Variants in APAF1 observed in about 807,000 individuals in gnomAD.
The protein encoded by APAF1 is apoptotic peptidase activating factor 1.
APAF1 carries 91 observed loss-of-function variants against 152.4 expected under a neutral mutation model. That is an observed-to-expected ratio of 0.60 (90% CI 0.50 to 0.71). The LOEUF (loss-of-function observed/expected upper bound fraction) is 0.71. APAF1 is among the 30% of genes least tolerant of loss of function. The pLI is 0.00. For synonymous variants in APAF1, 484 were observed against 494.1 expected (o/e 0.98, Z 0.27); for missense variants, 1,283 against 1,472.0 (o/e 0.87, Z 2.10).
At chr12:98,689,100 C>G (rs907830261) in intron 16 of APAF1, among the ~76,000 whole-genome samples, 2 of 152,112 alleles carry the variant, frequency 1.3e-5, no homozygotes, top group African/African-American at 4.8e-5. Flanking sequence ...TAGGAGTGAG[C>G]CACTGCATCC....
In APAF1 at chr12:98,733,321, C is replaced by T. The variant is rs573780976; in HGVS notation, c.*755C>T. 18 of 151,470 alleles carry T rather than the reference C, an allele frequency of 1.2e-4. No homozygotes were observed. In the South Asian group the frequency reaches 1.9e-3, roughly 16 times the overall value. The allele number at this position is 151,470 out of a possible 1,614,324, so 9.4% of individuals were successfully genotyped here. A position where few individuals can be genotyped will look rare whatever the true frequency, so the allele number is the denominator to read the frequency against. The stretch of plus-strand genomic sequence containing the variant: ...CTAATTTTTGTATTTTTAGTAGAGA[C>T]GGGGTTTCACCATGTTGGCCGGGAT... On this transcript the variant is annotated 3_prime_UTR_variant, in exon 27 of 27. Transcript: ENST00000551964.
chr12:98,699,541 T>C lies in APAF1; in HGVS notation c.2438T>C (p.Ile813Thr). 6.2e-7 allele frequency: 1 copy of C among 1,614,202 alleles called. No homozygotes were observed. Among genetic ancestry groups the C allele is most frequent in the South Asian group, 1.1e-5 (1 of 91,090 alleles). Residue 813 changes from isoleucine (I) to threonine (T), a missense_variant, in exon 17 of 27, where the codon ATA (isoleucine) becomes ACA (threonine). Coordinates refer to ENST00000551964, the MANE Select transcript of APAF1 (RefSeq NM_181861.2). ...TCGTGGTCTGCTGATGGTGCAAGGA[T>C]AATGGTGGCAGCAAAAAATAAAATC... ...CCSWSADGAR[I>T]MVAAKNKIFL... is the part of the protein sequence containing the mutation.
At chr12:98,700,474 G>T (rs1263005008) in intron 17 of APAF1, among the ~76,000 whole-genome samples, 1 of 152,154 alleles carries the variant, frequency 6.6e-6, no homozygotes. Flanking sequence ...TTGGATGTTG[G>T]TTGCTTATGA....
intron 16 of APAF1, among the ~76,000 whole-genome samples, chr12:98,696,343 T>C (rs2097709825): frequency 6.6e-6 from 1 of 152,186 alleles, no homozygotes; most frequent in Admixed American, 6.5e-5. Flanking sequence ...GAAGCCAGAC[T>C]GTTTTCAACA....
At chr12:98,712,084 T>C (rs2097728464) in intron 20 of APAF1, among the ~76,000 whole-genome samples, 1 of 152,222 alleles carries the variant, frequency 6.6e-6, no homozygotes, top group South Asian at 2.1e-4. Context: ...TTTTAAACCT[T>C]GTAATGCTTG....
At chr12:98,703,851 C>T (rs566101820) in intron 18 of APAF1, among the ~76,000 whole-genome samples, 12 of 152,302 alleles carry the variant, frequency 7.9e-5, no homozygotes, top group Admixed American at 7.2e-4. Context: ...AGTGTAGGCA[C>T]AGACTCTTTT....
chr12:98,671,552 G>A lies in APAF1; in HGVS notation c.1626G>A (p.Glu542=). 1 of 1,614,082 alleles carries A rather than the reference G, an allele frequency of 6.2e-7. No homozygotes were observed. The highest frequency in any genetic ancestry group is 8.5e-7 in the Non-Finnish European group (1 of 1,179,964). ...ILDEKDCAVS[E]NFQEFLSLNG... ...ATTTGTAGGATTGTGCAGTCAGTGAGAATTTTCAGGAGTTTTTATCTTTAA... is the reference window on the plus strand; with the variant it reads ...ATTTGTAGGATTGTGCAGTCAGTGAAAATTTTCAGGAGTTTTTATCTTTAA... Residue 542 remains glutamate, a synonymous_variant, in exon 12 of 27, where the codon GAG becomes GAA. Transcript: ENST00000551964.
chr12:98,711,516 G>C (rs2097727907), intron 20 of APAF1, among the ~76,000 whole-genome samples: 1 of 152,104 alleles, frequency 6.6e-6, no homozygotes, highest in Admixed American at 6.5e-5. Context: ...TAATGTTAAG[G>C]AAAAACTACC....
At chr12:98,728,591 G>A (rs924732035) in intron 26 of APAF1, among the ~76,000 whole-genome samples, 10 of 152,078 alleles carry the variant, frequency 6.6e-5, no homozygotes, top group Admixed American at 2.6e-4. Flanking sequence ...TTTTGTGGCG[G>A]GCACCTGTAG....
Position 98,680,313 on chromosome 12 carries a change from A to G in APAF1, c.1957A>G (p.Ile653Val). 6.2e-7 allele frequency: 1 copy of G among 1,612,804 alleles called. No individual in the cohort carries two copies. Among genetic ancestry groups the G allele is most frequent in the Non-Finnish European group, 8.5e-7 (1 of 1,179,450 alleles). ...KAETGEKLLE[I>V]KAHEDEVLCC... ...TGAAACAGGAGAGAAACTTCTAGAA[A>G]TCAAGGCTCATGAGGATGAAGTGCT... Residue 653 changes from isoleucine to valine, a missense_variant, in exon 14 of 27, where the codon ATC becomes GTC. Coordinates refer to ENST00000551964, the MANE Select transcript of APAF1 (RefSeq NM_181861.2).
At position 98,648,719 on chromosome 12, in the gene APAF1, G is replaced by A; in HGVS notation, c.232G>A (p.Glu78Lys). The stretch of plus-strand genomic sequence containing the variant: ...ATCATTCTACAATGCTCTACTACAT[G>A]AAGGATATAAAGATCTTGCTGCCCT... The part of the protein sequence containing the change: ...YVSFYNALLH[E>K]GYKDLAALLH... Residue 78 changes from glutamate (E) to lysine (K), a missense_variant, in exon 3 of 27, where the codon GAA (glutamate) becomes AAA (lysine). Glu to Lys is a moderately conservative substitution (Grantham distance 56). Transcript: ENST00000551964. The A allele has an allele frequency of 6.2e-7, 1 of 1,613,860 alleles. No homozygotes were observed. The highest frequency in any genetic ancestry group is 1.1e-5 in the South Asian group (1 of 91,080).
At chr12:98,649,239 G>C (rs772653492) in intron 3 of APAF1, 2 of 983,270 alleles carry the variant, frequency 2.0e-6, no homozygotes, top group South Asian at 4.7e-5. Context: ...GGAAATAATT[G>C]GGTGAGTAAA....
chr12:98,662,770 C>G lies in APAF1; in HGVS notation c.919C>G (p.Pro307Ala). Residue 307 changes from proline (P) to alanine (A), a missense_variant, in exon 7 of 27, where the codon CCA (proline) becomes GCA (alanine). By Grantham distance (27) the Pro-to-Ala change is conservative. Coordinates refer to ENST00000551964, the MANE Select transcript of APAF1 (RefSeq NM_181861.2). ...LFVNMKKADL[P>A]EQAHSIIKEC... ...TGTTAATATGAAGAAGGCAGATTTG[C>G]CAGAACAAGCTCATAGTATTATAAA... 6.2e-7 allele frequency: 1 copy of G among 1,610,952 alleles called. No individual in the cohort carries two copies. The highest frequency in any genetic ancestry group is 8.5e-7 in the Non-Finnish European group (1 of 1,178,480).
chr12:98,659,208 A>C lies in APAF1; in HGVS notation c.575A>C (p.Lys192Thr), dbSNP rs1370484839. ...VHWVSVGKQD[K>T]SGLLMKLQNL... ...TGGGTTTCAGTTGGGAAACAAGACA[A>C]ATCTGGGCTTCTGATGAAACTGCAG... The change falls in exon 5 of 27, where the codon AAA becomes ACA. Residue 192 changes from lysine to threonine, a missense_variant. Lys to Thr is a moderately conservative substitution (Grantham distance 78). Coordinates refer to ENST00000551964, the MANE Select transcript of APAF1 (RefSeq NM_181861.2). 6.2e-7 allele frequency: 1 copy of C among 1,614,200 alleles called. No individual in the cohort carries two copies. The highest frequency in any genetic ancestry group is 8.5e-7 in the Non-Finnish European group (1 of 1,180,042).
At chr12:98,668,569 G>T (rs2097676262) in intron 10 of APAF1, among the ~76,000 whole-genome samples, 1 of 152,146 alleles carries the variant, frequency 6.6e-6, no homozygotes, top group African/African-American at 2.4e-5. Context: ...ACAGAGCATG[G>T]AAGGGGAAAG....
At chr12:98,717,136 G>A (rs112021294) in intron 22 of APAF1, among the ~76,000 whole-genome samples, 1,546 of 152,058 alleles carry the variant, frequency 0.01, 28 homozygotes, top group African/African-American at 0.035. Context: ...CCAAAGTGCT[G>A]GGATTACAGG....
At chr12:98,647,782 T>C (rs2097643567) in intron 1 of APAF1, among the ~76,000 whole-genome samples, 1 of 151,214 alleles carries the variant, frequency 6.6e-6, no homozygotes, top group African/African-American at 2.4e-5. Context: ...TGTGTCATAA[T>C]TTTGAATGGC....
intron 16 of APAF1, among the ~76,000 whole-genome samples, chr12:98,690,180 C>T (rs1419238461): frequency 6.6e-6 from 1 of 152,306 alleles, no homozygotes; most frequent in East Asian, 1.9e-4. Flanking sequence ...CTGGTTGAAT[C>T]TTTGATCTTG....
At chr12:98,729,247 A>T (rs2153345656) in intron 26 of APAF1, among the ~76,000 whole-genome samples, 1 of 152,356 alleles carries the variant, frequency 6.6e-6, no homozygotes, top group Non-Finnish European at 1.5e-5. Context: ...AGCGGTCCCC[A>T]GCCTTTTTGG....
Sources: gnomAD v4.1 joint callset for allele counts (sites outside exome capture counted in the v4.1 genomes callset) on GRCh38, gnomAD v4.1.1 for gene constraint, MANE v1.5 for transcripts, NCBI Gene and HGNC (gene_info 2026-07-23, HGNC 2026-07-21) for gene names.